Variants in TXLNB observed in about 807,000 individuals in gnomAD.
TXLNB encodes beta-taxilin.
TXLNB carries 37 observed loss-of-function variants against 57.4 expected under a neutral mutation model. The ratio of observed to expected loss-of-function variants is 0.64; its 90% CI spans 0.50 to 0.85. The LOEUF is 0.85. Among genes scored for constraint, TXLNB ranks in the 40% least tolerant of loss-of-function variants. TXLNB has a pLI of 0.00. For missense variants in TXLNB, 848 were observed against 825.6 expected (o/e 1.03, Z -0.33); for synonymous variants, 302 against 309.6 (o/e 0.98, Z 0.26).
At chr6:139,273,788 A>C (rs889184397) in intron 3 of TXLNB, among the ~76,000 whole-genome samples, 2 of 152,182 alleles carry the variant, frequency 1.3e-5, no homozygotes, top group Non-Finnish European at 2.9e-5. Flanking sequence ...GCCAGATAAT[A>C]CTCCAGAACT....
chr6:139,309,667 G>A, the TXLNB span, among the ~76,000 whole-genome samples: 1 of 152,132 alleles, frequency 6.6e-6, no homozygotes, highest in Non-Finnish European at 1.5e-5. Flanking sequence ...GCTCATACCT[G>A]TAATCCCAAA....
the TXLNB span, chr6:139,178,613 C>T: frequency 6.8e-6 from 1 of 148,030 alleles, no homozygotes; most frequent in Non-Finnish European, 1.5e-5. Flanking sequence ...TCACTCTTGT[C>T]ACCCAGGCTG....
At chr6:139,224,998 C>T in the TXLNB span, among the ~76,000 whole-genome samples, 1 of 152,068 alleles carries the variant, frequency 6.6e-6, no homozygotes, top group Non-Finnish European at 1.5e-5. Context: ...TCTTTACCAA[C>T]CTGAATTTGT....
At chr6:139,277,122 G>A (rs1776918688) in intron 2 of TXLNB, 1 of 518,798 alleles carries the variant, frequency 1.9e-6, no homozygotes, top group African/African-American at 2.0e-5. Context: ...GTGAATGTGT[G>A]GTACGGTGTG....
the TXLNB span, among the ~76,000 whole-genome samples, chr6:139,215,873 A>T: frequency 6.6e-6 from 1 of 152,226 alleles, no homozygotes; most frequent in African/African-American, 2.4e-5. Flanking sequence ...ACATGAAAAA[A>T]TGCTCACCAT....
chr6:139,279,772 T>C (rs566333677), intron 2 of TXLNB, among the ~76,000 whole-genome samples: 3 of 152,314 alleles, frequency 2.0e-5, no homozygotes, highest in Non-Finnish European at 4.4e-5. Flanking sequence ...TTCTCCCTAA[T>C]GTGTTCTTCC....
At chr6:139,207,801 C>A in the TXLNB span, among the ~76,000 whole-genome samples, 1 of 152,100 alleles carries the variant, frequency 6.6e-6, no homozygotes, top group African/African-American at 2.4e-5. Flanking sequence ...TAGGGCCAGG[C>A]GCGGTGGCTC....
the TXLNB span, among the ~76,000 whole-genome samples, chr6:139,207,447 C>G: frequency 6.6e-6 from 1 of 152,096 alleles, no homozygotes; most frequent in Admixed American, 6.5e-5. Flanking sequence ...ATAATAGTGA[C>G]ACAACTTATC....
chr6:139,309,829 T>C, the TXLNB span, among the ~76,000 whole-genome samples: 1 of 151,878 alleles, frequency 6.6e-6, no homozygotes, highest in Non-Finnish European at 1.5e-5. Context: ...AAATCAAACA[T>C]ACATGGACAA....
the TXLNB span, among the ~76,000 whole-genome samples, chr6:139,164,114 C>A: frequency 6.6e-6 from 1 of 151,820 alleles, no homozygotes; most frequent in Non-Finnish European, 1.5e-5. Context: ...CATCTTCTCA[C>A]ACTGCTCCTG....
the TXLNB span, among the ~76,000 whole-genome samples, chr6:139,182,016 T>G: frequency 4.6e-5 from 7 of 152,236 alleles, no homozygotes. Context: ...AAAGACTTGA[T>G]CGTATGCTTC....
chr6:139,318,669 A>G, the TXLNB span, among the ~76,000 whole-genome samples: 1 of 152,176 alleles, frequency 6.6e-6, no homozygotes, highest in Non-Finnish European at 1.5e-5. Flanking sequence ...TGACAATGGA[A>G]GACAATGGAC....
the TXLNB span, among the ~76,000 whole-genome samples, chr6:139,192,941 C>A: frequency 8.3e-4 from 123 of 148,892 alleles, 2 homozygotes; most frequent in South Asian, 0.018. Context: ...CCAGCCTGGG[C>A]AACAGAGCAA....
chr6:139,195,886 G>C, the TXLNB span, among the ~76,000 whole-genome samples: 1 of 151,734 alleles, frequency 6.6e-6, no homozygotes, highest in Admixed American at 6.6e-5. Context: ...CTCCAAATAC[G>C]TCTGCTGAGG....
chr6:139,321,633 CTTT>C, the TXLNB span, among the ~76,000 whole-genome samples: 1 of 84,360 alleles, frequency 1.2e-5, no homozygotes, highest in African/African-American at 6.6e-5. Flanking sequence ...ACTACTCTCT[CTTT>C]TTTTTTTTTT....
At chr6:139,270,941 G>T (rs1040936385) in intron 3 of TXLNB, among the ~76,000 whole-genome samples, 1 of 152,126 alleles carries the variant, frequency 6.6e-6, no homozygotes, top group Non-Finnish European at 1.5e-5. Flanking sequence ...AAATAGAAAG[G>T]CATGTCTCAG....
chr6:139,190,761 T>A, the TXLNB span, among the ~76,000 whole-genome samples: 2 of 152,124 alleles, frequency 1.3e-5, no homozygotes, highest in Admixed American at 1.3e-4. Context: ...GCCCCACCCC[T>A]TCTGTTGTTT....
the TXLNB span, among the ~76,000 whole-genome samples, chr6:139,176,000 A>G: frequency 6.6e-6 from 1 of 152,258 alleles, no homozygotes; most frequent in Admixed American, 6.5e-5. Flanking sequence ...GAAGTCTTCA[A>G]TAAGATGTAG....
intron 6 of TXLNB, among the ~76,000 whole-genome samples, chr6:139,258,247 G>A (rs1776393704): frequency 6.6e-6 from 1 of 152,184 alleles, no homozygotes; most frequent in Admixed American, 6.5e-5. Flanking sequence ...ACAGGTGCTA[G>A]TTTCTTGCTA....
Sources: gnomAD v4.1 joint callset for allele counts (sites outside exome capture counted in the v4.1 genomes callset) on GRCh38, gnomAD v4.1.1 for gene constraint, MANE v1.5 for transcripts, NCBI Gene and HGNC (gene_info 2026-07-23, HGNC 2026-07-21) for gene names.